Variants in RAD51B observed in about 807,000 individuals in gnomAD.
The protein encoded by RAD51B is DNA repair protein RAD51 homolog 2.
Under a neutral mutation model 42.2 loss-of-function variants are expected in RAD51B, and 38 were observed. That is an observed-to-expected ratio of 0.90 (90% CI 0.70 to 1.18). The LOEUF is 1.18. RAD51B is among the 50% of genes most tolerant of loss of function. RAD51B has a pLI of 0.00. For missense variants in RAD51B, 373 were observed against 400.7 expected (o/e 0.93, Z 0.59); for synonymous variants, 154 against 145.2 (o/e 1.06, Z -0.43).
intron 7 of RAD51B, among the ~76,000 whole-genome samples, chr14:68,098,813 A>G (rs1481175443): frequency 2.0e-5 from 3 of 152,232 alleles, no homozygotes; most frequent in African/African-American, 4.8e-5. Context: ...TCTAGAGCAT[A>G]TGCTCAAGCA....
At chr14:67,920,332 T>G (rs1718849367) in intron 7 of RAD51B, among the ~76,000 whole-genome samples, 1 of 152,210 alleles carries the variant, frequency 6.6e-6, no homozygotes, top group African/African-American at 2.4e-5. Flanking sequence ...TGTTGGAGAT[T>G]GATTAAAAAA....
chr14:68,235,442 C>T (rs2080228967), intron 7 of RAD51B, among the ~76,000 whole-genome samples: 1 of 151,764 alleles, frequency 6.6e-6, no homozygotes, highest in African/African-American at 2.4e-5. Context: ...CGGTGGCTCA[C>T]GCCTGTAATC....
intron 10 of RAD51B, among the ~76,000 whole-genome samples, chr14:68,489,891 C>G (rs1883929289): frequency 6.6e-6 from 1 of 152,164 alleles, no homozygotes; most frequent in Non-Finnish European, 1.5e-5. Flanking sequence ...ATGCCCTTAT[C>G]TAGATTTCCT....
downstream of RAD51B, among the ~76,000 whole-genome samples, chr14:68,478,673 T>C (rs1882916693): frequency 6.6e-6 from 1 of 152,252 alleles, no homozygotes; most frequent in South Asian, 2.1e-4. Flanking sequence ...AGCTGTCCTC[T>C]GTAGAATCAC....
intron 8 of RAD51B, among the ~76,000 whole-genome samples, chr14:68,390,345 C>T (rs2083711009): frequency 6.6e-6 from 1 of 152,194 alleles, no homozygotes. Flanking sequence ...AGCCTGTTAT[C>T]ATTTTGGTTT....
rs555474819 is a variant in RAD51B at position 68,048,831 on chromosome 14, C to G, written c.756+161627C>G. On this transcript the variant is annotated intron_variant, in intron 7 of 10. Coordinates refer to ENST00000471583, the MANE Select transcript of RAD51B (RefSeq NM_133510.4). ...CTCAGGGATCTAGAACTAGAAATACCATTTGACCCAGCCATCCCATTACTG... is the reference window on the plus strand; with the variant it reads ...CTCAGGGATCTAGAACTAGAAATACGATTTGACCCAGCCATCCCATTACTG... 2.6e-5 allele frequency among the ~76,000 whole-genome samples: 4 copies of G among 152,224 alleles called. No individual in the cohort carries two copies. In the South Asian group the frequency reaches 8.3e-4, roughly 32 times the overall value.
intron 1 of RAD51B, 65 bp from the exon 2 acceptor site, chr14:67,823,477 A>G: frequency 7.3e-7 from 1 of 1,376,068 alleles, no homozygotes; most frequent in East Asian, 2.3e-5. Context: ...TAGCCTATTC[A>G]CTATCACTTA....
intron 7 of RAD51B, among the ~76,000 whole-genome samples, chr14:68,034,701 T>C (rs1052344294): frequency 2.6e-5 from 4 of 152,204 alleles, no homozygotes; most frequent in African/African-American, 9.6e-5. Flanking sequence ...TTCAGGCAGA[T>C]ACAAATACCA....
intron 7 of RAD51B, among the ~76,000 whole-genome samples, chr14:68,017,796 C>T (rs966381534): frequency 6.6e-6 from 1 of 151,896 alleles, no homozygotes; most frequent in African/African-American, 2.4e-5. Flanking sequence ...CTTGGTGAAA[C>T]CCCATCTCTA....
intron 10 of RAD51B, among the ~76,000 whole-genome samples, chr14:68,483,576 T>C (rs1883370084): frequency 6.6e-6 from 1 of 152,222 alleles, no homozygotes; most frequent in African/African-American, 2.4e-5. Flanking sequence ...TCATGCCTTG[T>C]GTGAAAAGAC....
chr14:68,222,167 G>A (rs2079942480), intron 7 of RAD51B, among the ~76,000 whole-genome samples: 1 of 152,196 alleles, frequency 6.6e-6, no homozygotes. Context: ...TCTACCATTT[G>A]ATCCAGCCAT....
intron 7 of RAD51B, among the ~76,000 whole-genome samples, chr14:68,112,594 A>G (rs17104953): frequency 0.1 from 15,716 of 152,158 alleles, 2,466 homozygotes; most frequent in African/African-American, 0.34. Context: ...TTTAATTATC[A>G]TGTGATCATG....
intron 5 of RAD51B, among the ~76,000 whole-genome samples, chr14:67,865,737 A>G (rs893244562): frequency 1.4e-5 from 2 of 147,804 alleles, no homozygotes; most frequent in African/African-American, 5.1e-5. Flanking sequence ...ACAGTGTTTC[A>G]CCTTATTGGC....
intron 7 of RAD51B, among the ~76,000 whole-genome samples, chr14:68,002,838 AGG>A (rs2075511568): frequency 6.6e-6 from 1 of 152,140 alleles, no homozygotes; most frequent in African/African-American, 2.4e-5. Flanking sequence ...AGATGGTTAT[AGG>A]TGTGTGGTCT....
intron 7 of RAD51B, among the ~76,000 whole-genome samples, chr14:68,100,993 A>T (rs1406015638): frequency 6.6e-6 from 1 of 152,234 alleles, no homozygotes. Flanking sequence ...ACTTACAGTC[A>T]TGGCAGAAGG....
At chr14:68,477,149 C>T (rs1882695502) in intron 10 of RAD51B, among the ~76,000 whole-genome samples, 1 of 152,326 alleles carries the variant, frequency 6.6e-6, no homozygotes, top group South Asian at 2.1e-4. Flanking sequence ...GTGTTTTGGT[C>T]AGCCGCGTCC....
At chr14:68,587,928 G>A (rs1287810783) in intron 10 of RAD51B, among the ~76,000 whole-genome samples, 1 of 152,230 alleles carries the variant, frequency 6.6e-6, no homozygotes, top group African/African-American at 2.4e-5. Flanking sequence ...AAAAGGCAGT[G>A]TGGTATAGAT....
chr14:68,370,319 TG>T (rs2083227435), intron 8 of RAD51B, among the ~76,000 whole-genome samples: 1 of 152,236 alleles, frequency 6.6e-6, no homozygotes. Flanking sequence ...CCAATAATAA[TG>T]ATAGCAACAA....
At chr14:68,328,043 C>T (rs1353274946) in intron 8 of RAD51B, among the ~76,000 whole-genome samples, 4 of 152,098 alleles carry the variant, frequency 2.6e-5, no homozygotes, top group Non-Finnish European at 4.4e-5. Flanking sequence ...CCTATGGAAC[C>T]CTCTGTCCCT....
Sources: gnomAD v4.1 joint callset for allele counts (sites outside exome capture counted in the v4.1 genomes callset) on GRCh38, gnomAD v4.1.1 for gene constraint, MANE v1.5 for transcripts, NCBI Gene and HGNC (gene_info 2026-07-23, HGNC 2026-07-21) for gene names.